SYT1: variants seen among roughly 807,000 people sequenced by gnomAD.
The protein encoded by SYT1 is synaptotagmin 1, also known as synaptotagmin-1.
A neutral mutation model predicts 44.8 loss-of-function variants in SYT1; 8 were observed. The ratio of observed to expected loss-of-function variants is 0.18; its 90% CI spans 0.10 to 0.32. SYT1 has a LOEUF of 0.32. Among genes scored for constraint, SYT1 ranks in the 10% least tolerant of loss-of-function variants. The pLI, the probability that SYT1 is intolerant of heterozygous loss-of-function variation, is 1.00. For missense variants in SYT1, 286 were observed against 509.3 expected, an observed-to-expected ratio of 0.56 and a Z score of 4.22; for synonymous variants, 154 against 188.8, an observed-to-expected ratio of 0.82 and a Z score of 1.51.
rs148139596 is a variant in SYT1, at chr12:79,189,796, C to G, written c.-17-27707C>G. Among the ~76,000 whole-genome samples, 1,106 of 152,234 alleles carry G rather than the reference C, an allele frequency of 7.3e-3. 14 individuals are homozygous for G. Among genetic ancestry groups the G allele is most frequent in the African/African-American group, 0.025 (1,056 of 41,526 alleles). ...GTTCATTCCTGTAGACCCAGTTACT[C>G]TGGAGGCTGAGGAAGGAGAATCACT... On this transcript the variant is annotated intron_variant, in intron 3 of 10. Transcript: ENST00000261205.
At chr12:78,883,153 T>C (rs945738098) in intron 1 of SYT1, among the ~76,000 whole-genome samples, 1 of 151,724 alleles carries the variant, frequency 6.6e-6, no homozygotes, top group African/African-American at 2.4e-5. Flanking sequence ...AGTAATACAC[T>C]AAATTATAAT....
At chr12:79,263,921 C>G (rs1484152399) in intron 4 of SYT1, among the ~76,000 whole-genome samples, 1 of 151,488 alleles carries the variant, frequency 6.6e-6, no homozygotes, top group African/African-American at 2.4e-5. Context: ...ATGGCATCTA[C>G]ATTTGAATTA....
At chr12:78,926,198 G>T (rs576009715) in intron 1 of SYT1, among the ~76,000 whole-genome samples, 2 of 152,004 alleles carry the variant, frequency 1.3e-5, no homozygotes, top group Non-Finnish European at 2.9e-5. Context: ...GGAAGATAAG[G>T]TTTCTAGATT....
chr12:79,433,630 T>C (rs1374815587), intron 9 of SYT1, among the ~76,000 whole-genome samples: 1 of 152,232 alleles, frequency 6.6e-6, no homozygotes, highest in East Asian at 1.9e-4. Flanking sequence ...TTTTTGTCTC[T>C]GTGTTTGTTA....
intron 9 of SYT1, among the ~76,000 whole-genome samples, chr12:79,375,294 A>G (rs978629420): frequency 9.2e-5 from 14 of 152,140 alleles, no homozygotes; most frequent in Admixed American, 8.5e-4. Flanking sequence ...GGAGAAACCA[A>G]GAACCGGGTT....
intron 2 of SYT1, among the ~76,000 whole-genome samples, chr12:79,042,054 A>G (rs1190642224): frequency 1.1e-3 from 168 of 150,256 alleles, no homozygotes; most frequent in African/African-American, 3.9e-3. Context: ...TTTTTGCATC[A>G]ATGTTCATCA....
At chr12:79,266,500 C>G (rs535815089) in intron 4 of SYT1, among the ~76,000 whole-genome samples, 3 of 152,096 alleles carry the variant, frequency 2.0e-5, no homozygotes, top group African/African-American at 7.2e-5. Context: ...TGGTCATGTG[C>G]TTACAGTTGC....
At chr12:79,413,039 C>T (rs541198254) in intron 9 of SYT1, among the ~76,000 whole-genome samples, 16 of 152,146 alleles carry the variant, frequency 1.1e-4, no homozygotes, top group Non-Finnish European at 2.4e-4. Context: ...GAAACACTAA[C>T]TTCAGACTGA....
chr12:79,096,326 G>A (rs1878127175), intron 3 of SYT1, among the ~76,000 whole-genome samples: 1 of 151,964 alleles, frequency 6.6e-6, no homozygotes, highest in African/African-American at 2.4e-5. Context: ...AGCTATGCTT[G>A]TGTCTGCAGC....
chr12:78,980,430 G>A (rs1869163723), intron 2 of SYT1, among the ~76,000 whole-genome samples: 1 of 152,114 alleles, frequency 6.6e-6, no homozygotes, highest in African/African-American at 2.4e-5. Flanking sequence ...TGAAAAGACT[G>A]GAATAATTTA....
intron 9 of SYT1, among the ~76,000 whole-genome samples, chr12:79,421,987 G>A (rs1181179518): frequency 1.3e-5 from 2 of 151,932 alleles, no homozygotes; most frequent in African/African-American, 4.8e-5. Context: ...ATTTCCTCAT[G>A]TTAAGTGCTT....
At chr12:79,428,140 T>C (rs1869555992) in intron 9 of SYT1, among the ~76,000 whole-genome samples, 2 of 152,116 alleles carry the variant, frequency 1.3e-5, no homozygotes, top group South Asian at 4.1e-4. Context: ...AGCCACTAAG[T>C]CTTCATAGAT....
At chr12:79,422,234 C>T (rs1024304734) in intron 9 of SYT1, among the ~76,000 whole-genome samples, 1 of 152,038 alleles carries the variant, frequency 6.6e-6, no homozygotes, top group African/African-American at 2.4e-5. Flanking sequence ...TTCTCATTAA[C>T]TTGATTCATA....
chr12:79,108,749 T>G (rs1198334105), intron 3 of SYT1, among the ~76,000 whole-genome samples: 4 of 152,214 alleles, frequency 2.6e-5, no homozygotes, highest in Admixed American at 2.6e-4. Flanking sequence ...GCTAGAACTT[T>G]TAAATATAGT....
intron 3 of SYT1, among the ~76,000 whole-genome samples, chr12:79,145,245 A>T (rs1869803959): frequency 6.6e-6 from 1 of 152,108 alleles, no homozygotes; most frequent in South Asian, 2.1e-4. Context: ...ATATTATCTA[A>T]TTTTATAAAT....
intron 3 of SYT1, among the ~76,000 whole-genome samples, chr12:79,053,070 C>A (rs372869629): frequency 7.2e-5 from 11 of 152,040 alleles, no homozygotes; most frequent in Admixed American, 2.6e-4. Context: ...ATGTTTATTG[C>A]GGCACTATTC....
intron 1 of SYT1, among the ~76,000 whole-genome samples, chr12:78,925,054 T>G (rs10861161): frequency 6.6e-6 from 1 of 151,272 alleles, no homozygotes; most frequent in South Asian, 2.1e-4. Flanking sequence ...TTATACATGT[T>G]TATGAGTATA....
intron 8 of SYT1, among the ~76,000 whole-genome samples, chr12:79,320,543 T>C (rs1246309155): frequency 6.6e-6 from 1 of 152,126 alleles, no homozygotes; most frequent in Admixed American, 6.6e-5. Flanking sequence ...ACAGTTGTCA[T>C]TTTCAGTTAT....
chr12:79,241,296 A>C (rs935272130), intron 4 of SYT1, among the ~76,000 whole-genome samples: 2 of 151,948 alleles, frequency 1.3e-5, no homozygotes, highest in Non-Finnish European at 2.9e-5. Flanking sequence ...TTGGAGATGA[A>C]GTCTCACTCT....
Sources: allele counts gnomAD v4.1 joint callset (sites outside exome capture counted in the v4.1 genomes callset), GRCh38; gene constraint gnomAD v4.1.1; transcripts MANE v1.5; gene names NCBI Gene and HGNC (gene_info 2026-07-23, HGNC 2026-07-21).